SEMA6D: variants seen among roughly 807,000 people sequenced by gnomAD.
SEMA6D encodes semaphorin 6D.
A neutral mutation model predicts 106.6 loss-of-function variants in SEMA6D; 35 were observed. The ratio of observed to expected loss-of-function variants is 0.33; its 90% CI spans 0.25 to 0.44. The LOEUF (loss-of-function observed/expected upper bound fraction) is 0.44, where lower values mean the gene tolerates loss of function less well. SEMA6D is among the 20% of genes least tolerant of loss of function. The pLI, the probability that SEMA6D is intolerant of heterozygous loss-of-function variation, is 1.00. For missense variants in SEMA6D, 1,185 were observed against 1,345.9 expected, an observed-to-expected ratio of 0.88 and a Z score of 1.87; for synonymous variants, 499 against 487.7, an observed-to-expected ratio of 1.02 and a Z score of -0.31.
intron 4 of SEMA6D, among the ~76,000 whole-genome samples, chr15:47,663,028 C>CT (rs2077958303): frequency 6.6e-6 from 1 of 152,138 alleles, no homozygotes; most frequent in African/African-American, 2.4e-5. Context: ...TAAGTTGAAA[C>CT]CATATGCCAG....
At chr15:47,679,470 AT>A in intron 4 of SEMA6D, among the ~76,000 whole-genome samples, 1 of 152,156 alleles carries the variant, frequency 6.6e-6, no homozygotes, top group Non-Finnish European at 1.5e-5. Flanking sequence ...GATCTCTTCC[AT>A]TTTCACCAGG....
chr15:47,476,424 A>C (rs1024247954), intron 3 of SEMA6D, among the ~76,000 whole-genome samples: 2 of 152,138 alleles, frequency 1.3e-5, no homozygotes, highest in Admixed American at 1.3e-4. Context: ...AAAATTTCAT[A>C]TATGTTATCT....
chr15:47,443,994 A>G (rs2041954074), intron 2 of SEMA6D, among the ~76,000 whole-genome samples: 1 of 152,164 alleles, frequency 6.6e-6, no homozygotes, highest in Non-Finnish European at 1.5e-5. Flanking sequence ...CAGTCATGGT[A>G]TCTTGGGGAT....
intron 2 of SEMA6D, chr15:47,412,593 C>T (rs2040834184): frequency 6.6e-6 from 1 of 152,126 alleles, no homozygotes; most frequent in South Asian, 2.1e-4. Context: ...GATCTCTGCT[C>T]GCAAAACCAT....
chr15:47,717,502 T>G (rs2079154838), upstream of SEMA6D: 1 of 154,744 alleles, frequency 6.5e-6, no homozygotes, highest in Admixed American at 6.5e-5. Context: ...TTGCTCCTGC[T>G]CTGTCCCGCT....
intron 3 of SEMA6D, among the ~76,000 whole-genome samples, chr15:47,597,990 A>G (rs1044064441): frequency 9.2e-5 from 14 of 151,980 alleles, no homozygotes; most frequent in African/African-American, 3.4e-4. Flanking sequence ...AGTGTTTCCT[A>G]GGGTAAATAA....
intron 4 of SEMA6D, among the ~76,000 whole-genome samples, chr15:47,683,286 C>T (rs919481306): frequency 2.6e-5 from 4 of 152,146 alleles, no homozygotes; most frequent in African/African-American, 9.7e-5. Flanking sequence ...GCTTAGCTCC[C>T]ACTTCCATTT....
intron 3 of SEMA6D, among the ~76,000 whole-genome samples, chr15:47,590,536 A>T (rs1281921579): frequency 2.0e-5 from 3 of 152,178 alleles, no homozygotes; most frequent in Non-Finnish European, 2.9e-5. Flanking sequence ...TAATAAATAA[A>T]TAAATAAAAA....
intron 1 of SEMA6D, among the ~76,000 whole-genome samples, chr15:47,316,127 C>G (rs1484017096): frequency 4.8e-5 from 1 of 20,904 alleles, no homozygotes; most frequent in East Asian, 1.1e-3. Flanking sequence ...GAATCTTGTT[C>G]TGTCACCCAG....
intron 17 of SEMA6D, among the ~76,000 whole-genome samples, chr15:47,767,910 T>C (rs1055780258): frequency 6.6e-6 from 1 of 151,828 alleles, no homozygotes; most frequent in African/African-American, 2.4e-5. Context: ...CTCATTCAGT[T>C]TGTAAATGCC....
chr15:47,381,958 T>C (rs2039653539), intron 1 of SEMA6D, among the ~76,000 whole-genome samples: 1 of 152,144 alleles, frequency 6.6e-6, no homozygotes, highest in South Asian at 2.1e-4. Flanking sequence ...AGTCAGAGTC[T>C]GTATTGGGTT....
intron 1 of SEMA6D, chr15:47,730,645 G>C (rs1596831117): frequency 3.1e-6 from 5 of 1,599,060 alleles, no homozygotes; most frequent in Admixed American, 1.7e-5. Context: ...TGTACTTGTG[G>C]GCCAGCTTAT....
At chr15:47,278,557 G>T (rs1401601486) in intron 1 of SEMA6D, among the ~76,000 whole-genome samples, 3 of 152,228 alleles carry the variant, frequency 2.0e-5, no homozygotes, top group South Asian at 2.1e-4. Context: ...CTCCCATTTT[G>T]TAGGTTGCCT....
intron 1 of SEMA6D, among the ~76,000 whole-genome samples, chr15:47,351,857 A>C (rs1361655632): frequency 1.3e-5 from 2 of 152,248 alleles, no homozygotes; most frequent in African/African-American, 2.4e-5. Context: ...GATATGGAAG[A>C]TTTCTTGAGA....
intron 1 of SEMA6D, among the ~76,000 whole-genome samples, chr15:47,310,842 T>C (rs1306713073): frequency 6.6e-6 from 1 of 152,196 alleles, no homozygotes; most frequent in East Asian, 1.9e-4. Flanking sequence ...AAAGTAGACA[T>C]GTAAGTTCTA....
chr15:47,328,155 A>G (rs2143970455), intron 1 of SEMA6D, among the ~76,000 whole-genome samples: 1 of 152,330 alleles, frequency 6.6e-6, no homozygotes, highest in East Asian at 1.9e-4. Context: ...AGGCACAAAG[A>G]CAAAAACCAA....
chr15:47,358,600 T>G (rs1263409805), intron 1 of SEMA6D, among the ~76,000 whole-genome samples: 2 of 152,190 alleles, frequency 1.3e-5, no homozygotes, highest in African/African-American at 4.8e-5. Context: ...AGGATCATCT[T>G]GATGCGTTCC....
intron 3 of SEMA6D, among the ~76,000 whole-genome samples, chr15:47,513,633 G>A (rs1349873041): frequency 6.6e-6 from 1 of 152,212 alleles, no homozygotes; most frequent in Non-Finnish European, 1.5e-5. Flanking sequence ...AGCTTGGCCA[G>A]ATGGAATGAG....
chr15:47,317,525 G>T (rs1246887263), intron 1 of SEMA6D, among the ~76,000 whole-genome samples: 2 of 152,004 alleles, frequency 1.3e-5, no homozygotes, highest in Admixed American at 6.5e-5. Context: ...AGAACTTTTA[G>T]CATTTCTTAC....
Sources: gnomAD v4.1 joint callset for allele counts (sites outside exome capture counted in the v4.1 genomes callset) on GRCh38, gnomAD v4.1.1 for gene constraint, MANE v1.5 for transcripts, NCBI Gene and HGNC (gene_info 2026-07-23, HGNC 2026-07-21) for gene names.